ARL17A: variants seen among roughly 807,000 people sequenced by gnomAD.
The protein encoded by ARL17A is ADP-ribosylation factor-like 17-like.
intron 3 of ARL17A, among the ~76,000 whole-genome samples, chr17:46,568,855 A>G (rs2057604346): frequency 8.0e-6 from 1 of 125,234 alleles, no homozygotes; most frequent in African/African-American, 3.2e-5. Flanking sequence ...TAAAGAGGCA[A>G]AACAACAAAA....
chr17:46,517,267 T>C, intron 3 of ARL17A: 1 of 771,904 alleles, frequency 1.3e-6, no homozygotes. Context: ...ATTTTCTGTT[T>C]CTGAATATCC....
chr17:46,540,265 CTCATGAGTCAAGAGATGAT>C lies in ARL17A; in HGVS notation c.260-1858_260-1840del, dbSNP rs767725845. 7 of 1,486,910 alleles carry C rather than the reference CTCATGAGTCAAGAGATGAT, an allele frequency of 4.7e-6. No homozygotes were observed. The African/African-American group carries it at 9.8e-5, about 21-fold the overall frequency. 92.1% of individuals were successfully genotyped at this position (1,486,910 alleles called of 1,614,324 possible). A position where few individuals can be genotyped will look rare whatever the true frequency, so the allele number is the denominator to read the frequency against. ...AAATATCTGTAAGTACTATAGTACT[CTCATGAGTCAAGAGATGAT>C]TTATGCTTTTTAAATTTTTCATCAA... is the stretch of plus-strand genomic sequence containing the variant. On this transcript the variant is annotated intron_variant, in intron 3 of 4. Coordinates refer to the ARL17A transcript ENST00000329240.
chr17:46,542,041 G>A (rs1423675800), intron 3 of ARL17A, among the ~76,000 whole-genome samples: 1 of 136,170 alleles, frequency 7.3e-6, no homozygotes, highest in Non-Finnish European at 1.5e-5. Flanking sequence ...CACGAGAAGT[G>A]CTTGAACTTG....
chr17:46,551,001 T>A (rs2145836493), downstream of ARL17A, among the ~76,000 whole-genome samples: 2 of 149,916 alleles, frequency 1.3e-5, no homozygotes, highest in East Asian at 3.9e-4. Flanking sequence ...TAAGGCATTG[T>A]CTAAATAGGT....
At chr17:46,549,093 A>C (rs751825600), downstream of ARL17A, 928 of 1,612,006 alleles carry the variant, frequency 5.8e-4, 67 homozygotes, top group East Asian at 0.019. Flanking sequence ...CCCACAGAAC[A>C]CCCAAAGTCA....
chr17:46,552,964 C>T lies in ARL17A; in HGVS notation c.*4392G>A, dbSNP rs1226385637. Among the ~76,000 whole-genome samples, 81 of 142,102 alleles carry T rather than the reference C, an allele frequency of 5.7e-4. No homozygotes were observed. Among genetic ancestry groups the T allele is most frequent in the Non-Finnish European group, 6.0e-4 (40 of 66,470 alleles). 93.2% of individuals were successfully genotyped at this position (142,102 alleles called of 152,430 possible). A position where few individuals can be genotyped will look rare whatever the true frequency, so the allele number is the denominator to read the frequency against. ...CAGCTACTCAAGAGGCTGAGGTGGG[C>T]GGATCACTGGAGCCCAGGAGGTTGA... On this transcript the variant is annotated 3_prime_UTR_variant, in exon 4 of 4. Transcript: ENST00000336125.
chr17:46,501,255 G>A, the ARL17A span, among the ~76,000 whole-genome samples: 42 of 151,064 alleles, frequency 2.8e-4, 1 homozygote, highest in Admixed American at 1.6e-3. Flanking sequence ...GGCTCACTGC[G>A]ACCTCCGCCT....
At chr17:46,528,833 G>T in exon 5 of ARL17A, 1 of 658,522 alleles carries the variant, frequency 1.5e-6, no homozygotes, top group East Asian at 2.7e-5. Context: ...GAGGAGCTTG[G>T]TGTGGGGAGA....
downstream of ARL17A, among the ~76,000 whole-genome samples, chr17:46,516,451 C>G (rs1336571537): frequency 2.8e-5 from 4 of 145,268 alleles, no homozygotes; most frequent in African/African-American, 7.9e-5. Flanking sequence ...CATGGGTAAG[C>G]TAAAACTTTA....
intron 3 of ARL17A, among the ~76,000 whole-genome samples, chr17:46,543,678 C>G (rs1441566194): frequency 6.6e-6 from 1 of 150,874 alleles, no homozygotes; most frequent in Non-Finnish European, 1.5e-5. Flanking sequence ...CATACACACA[C>G]GGAAAGCTAA....
chr17:46,534,734 G>T (rs1243075606), intron 4 of ARL17A, among the ~76,000 whole-genome samples: 2 of 149,984 alleles, frequency 1.3e-5, no homozygotes, highest in African/African-American at 5.0e-5. Context: ...CGGGGTGGCG[G>T]CCGGGCAGAG....
intron 4 of ARL17A, among the ~76,000 whole-genome samples, chr17:46,535,004 A>T (rs1199044375): frequency 6.7e-6 from 1 of 150,064 alleles, no homozygotes; most frequent in African/African-American, 2.5e-5. Flanking sequence ...CACCTCCCAG[A>T]CAGGGTCGCG....
In ARL17A at chr17:46,534,205, T is replaced by A. The variant is rs538803617; in HGVS notation, c.335+4146A>T. ...TTTTTGTTTTTGTTTTTGTTTTTTT[T>A]AATTTTTTTTTATTGATCATTCTTG... On this transcript the variant is annotated intron_variant, in intron 4 of 4. Coordinates refer to the ARL17A transcript ENST00000329240. Among the ~76,000 whole-genome samples, 129 of 149,176 alleles carry A rather than the reference T, an allele frequency of 8.6e-4. 3 individuals carry two copies. The East Asian group carries it at 8.8e-3, about 10-fold the overall frequency.
At chr17:46,530,534 G>A (rs1460439791) in intron 4 of ARL17A, among the ~76,000 whole-genome samples, 1 of 30,822 alleles carries the variant, frequency 3.2e-5, no homozygotes, top group Non-Finnish European at 8.3e-5. Context: ...TTGGTCAAGG[G>A]AGAATGAATC....
intron 4 of ARL17A, among the ~76,000 whole-genome samples, chr17:46,534,834 A>G (rs1377574569): frequency 6.8e-6 from 1 of 146,856 alleles, no homozygotes; most frequent in African/African-American, 2.7e-5. Flanking sequence ...GCTGGCCCCC[A>G]CCTCCCTCCC....
chr17:46,534,776 G>T (rs536213820), intron 4 of ARL17A, among the ~76,000 whole-genome samples: 1,844 of 149,508 alleles, frequency 0.012, 165 homozygotes, highest in African/African-American at 0.044. Flanking sequence ...GGGCAGCCGG[G>T]CAGAGGCGCC....
chr17:46,568,889 G>A (rs1242360977), intron 3 of ARL17A, among the ~76,000 whole-genome samples: 4 of 129,392 alleles, frequency 3.1e-5, no homozygotes, highest in African/African-American at 9.2e-5. Flanking sequence ...CTCTGATCCA[G>A]ATGCAAACAA....
At chr17:46,545,769 A>T (rs1307575482) in intron 3 of ARL17A, among the ~76,000 whole-genome samples, 2 of 145,872 alleles carry the variant, frequency 1.4e-5, no homozygotes, top group Non-Finnish European at 3.0e-5. Flanking sequence ...GAATGCTCAA[A>T]TTGTCCAGAT....
At chr17:46,549,062 A>T, downstream of ARL17A, 2 of 1,612,140 alleles carry the variant, frequency 1.2e-6, no homozygotes, top group Non-Finnish European at 1.7e-6. Context: ...TACCGCTTTC[A>T]CAAAACTCGC....
Sources: gnomAD v4.1 joint callset for allele counts (sites outside exome capture counted in the v4.1 genomes callset) on GRCh38, gnomAD v4.1.1 for gene constraint, MANE v1.5 for transcripts, NCBI Gene and HGNC (gene_info 2026-07-23, HGNC 2026-07-21) for gene names.